PRIM2: variants seen among roughly 807,000 people sequenced by gnomAD.
PRIM2 encodes the protein DNA primase subunit 2.
Under a neutral mutation model 67.3 loss-of-function variants are expected in PRIM2, and 39 were observed. That is an observed-to-expected ratio of 0.58 (90% CI 0.45 to 0.76). The LOEUF (loss-of-function observed/expected upper bound fraction) is 0.76, where lower values mean the gene tolerates loss of function less well. PRIM2 is among the 30% of genes least tolerant of loss of function. The pLI, the probability that PRIM2 is intolerant of heterozygous loss-of-function variation, is 0.00. For synonymous variants in PRIM2, 143 were observed against 198.7 expected, an observed-to-expected ratio of 0.72 and a Z score of 2.36; for missense variants, 398 against 598.7, an observed-to-expected ratio of 0.66 and a Z score of 3.50.
the PRIM2 span, among the ~76,000 whole-genome samples, chr6:57,249,004 C>T: frequency 1.3e-5 from 2 of 152,326 alleles, no homozygotes; most frequent in Middle Eastern, 3.4e-3. Flanking sequence ...GAACTGCTGG[C>T]GACCTCATTG....
At chr6:57,369,326 G>A (rs9475890) in intron 5 of PRIM2, among the ~76,000 whole-genome samples, 12,647 of 151,962 alleles carry the variant, frequency 0.083, 1,139 homozygotes, top group African/African-American at 0.23. Context: ...CCTTAATTCT[G>A]TTAGCAAGGC....
chr6:57,570,284 G>A (rs1183869967), intron 10 of PRIM2, among the ~76,000 whole-genome samples: 2 of 152,214 alleles, frequency 1.3e-5, no homozygotes, highest in Non-Finnish European at 2.9e-5. Context: ...GGTCTATAAT[G>A]AAAGCCAAAT....
At chr6:57,639,579 G>A (rs1777188838) in intron 13 of PRIM2, among the ~76,000 whole-genome samples, 1 of 141,672 alleles carries the variant, frequency 7.1e-6, no homozygotes, top group South Asian at 2.2e-4. Flanking sequence ...TATCACCACT[G>A]ATCCCACAGA....
Position 57,548,562 on chromosome 6 carries a change from C to T in PRIM2, c.1020+10937C>T, listed in dbSNP as rs1452511530. Among the ~76,000 whole-genome samples, 6 of 152,226 alleles carry T rather than the reference C, an allele frequency of 3.9e-5. No homozygotes were observed. The East Asian group carries it at 7.7e-4, about 20-fold the overall frequency. ...TATTATGTGATTATTATAATATGAA[C>T]CTCTGTTTCCTATGTGATGTTCCCT... On this transcript the variant is annotated intron_variant, in intron 10 of 13. Transcript: ENST00000615550.
At chr6:57,507,347 G>A (rs1774271869) in intron 7 of PRIM2, 40 bp from the exon 8 acceptor site, 1 of 1,380,030 alleles carries the variant, frequency 7.2e-7, no homozygotes, top group Non-Finnish European at 9.8e-7. Context: ...TTCGGTGTTC[G>A]GCCTTTGCTG....
At chr6:57,407,642 A>G (rs540391588) in intron 7 of PRIM2, among the ~76,000 whole-genome samples, 13 of 152,340 alleles carry the variant, frequency 8.5e-5, no homozygotes, top group Non-Finnish European at 1.5e-4. Flanking sequence ...GGCGGTACAC[A>G]GTGGCACACC....
chr6:57,412,646 T>C (rs9367741), intron 7 of PRIM2, among the ~76,000 whole-genome samples: 1 of 152,156 alleles, frequency 6.6e-6, no homozygotes, highest in African/African-American at 2.4e-5. Context: ...GTAAAAGTAG[T>C]AACTTATTGC....
intron 5 of PRIM2, among the ~76,000 whole-genome samples, chr6:57,378,633 C>T (rs573368008): frequency 3.3e-5 from 5 of 152,022 alleles, no homozygotes; most frequent in African/African-American, 7.2e-5. Flanking sequence ...TTTGCTTTTG[C>T]GAGGTGCCTG....
intron 7 of PRIM2, among the ~76,000 whole-genome samples, chr6:57,408,922 G>C (rs1770992283): frequency 6.6e-6 from 1 of 152,144 alleles, no homozygotes; most frequent in African/African-American, 2.4e-5. Flanking sequence ...GTGTTTCCCA[G>C]ACTGGTCTCA....
intron 10 of PRIM2, among the ~76,000 whole-genome samples, chr6:57,584,631 A>G (rs1188726476): frequency 2.0e-5 from 3 of 152,182 alleles, no homozygotes; most frequent in African/African-American, 4.8e-5. Flanking sequence ...GATGAAGAAC[A>G]TATGTCCTGC....
At chr6:57,224,225 C>A in the PRIM2 span, among the ~76,000 whole-genome samples, 1 of 152,144 alleles carries the variant, frequency 6.6e-6, no homozygotes, top group Non-Finnish European at 1.5e-5. Context: ...CACTTGAATC[C>A]AGGAGTTCAA....
the PRIM2 span, among the ~76,000 whole-genome samples, chr6:57,288,587 A>C: frequency 6.6e-6 from 1 of 152,112 alleles, no homozygotes; most frequent in Non-Finnish European, 1.5e-5. Context: ...CTCTGGGACA[A>C]AGCTTCCAGA....
At chr6:57,292,669 C>T in the PRIM2 span, among the ~76,000 whole-genome samples, 1 of 151,994 alleles carries the variant, frequency 6.6e-6, no homozygotes, top group Non-Finnish European at 1.5e-5. Flanking sequence ...GAATAGAGGC[C>T]TCCGAAATAA....
chr6:57,480,248 T>A (rs1773581739), intron 7 of PRIM2, among the ~76,000 whole-genome samples: 1 of 152,226 alleles, frequency 6.6e-6, no homozygotes, highest in South Asian at 2.1e-4. Flanking sequence ...TATGACTTTT[T>A]AAATTTAGTT....
chr6:57,642,433 AT>A (rs1323524163), intron 13 of PRIM2, among the ~76,000 whole-genome samples: 1 of 107,058 alleles, frequency 9.3e-6, no homozygotes, highest in Non-Finnish European at 1.8e-5. Context: ...TAAATATTAT[AT>A]CTTTTTTTTT....
At chr6:57,351,447 G>C (rs1265169229) in intron 5 of PRIM2, among the ~76,000 whole-genome samples, 1 of 152,124 alleles carries the variant, frequency 6.6e-6, no homozygotes, top group Non-Finnish European at 1.5e-5. Context: ...AGCAAATAGT[G>C]AGTGACCAAA....
intron 12 of PRIM2, among the ~76,000 whole-genome samples, chr6:57,631,378 C>A (rs1361002945): frequency 2.6e-5 from 4 of 152,020 alleles, no homozygotes; most frequent in Non-Finnish European, 5.9e-5. Context: ...TTGGGGGAGG[C>A]AATGAAACTT....
chr6:57,607,369 T>C (rs1420507857), intron 12 of PRIM2, among the ~76,000 whole-genome samples: 1 of 151,504 alleles, frequency 6.6e-6, no homozygotes, highest in Non-Finnish European at 1.5e-5. Flanking sequence ...AACCAGTGTC[T>C]GAAAAAAAAA....
chr6:57,280,789 G>T, the PRIM2 span, among the ~76,000 whole-genome samples: 3 of 152,208 alleles, frequency 2.0e-5, no homozygotes, highest in Non-Finnish European at 2.9e-5. Flanking sequence ...TTACAGGCGT[G>T]AGCCACCATA....
Sources: allele counts gnomAD v4.1 joint callset (sites outside exome capture counted in the v4.1 genomes callset), GRCh38; gene constraint gnomAD v4.1.1; transcripts MANE v1.5; gene names NCBI Gene and HGNC (gene_info 2026-07-23, HGNC 2026-07-21).